ADAMTS19: variants seen among roughly 807,000 people sequenced by gnomAD.
The protein encoded by ADAMTS19 is ADAM metallopeptidase with thrombospondin type 1 motif 19.
Under a neutral mutation model 153.3 loss-of-function variants are expected in ADAMTS19, and 93 were observed. The observed-to-expected ratio is 0.61, with a 90% CI of 0.51 to 0.72. The LOEUF (loss-of-function observed/expected upper bound fraction) is 0.72, where lower values mean the gene tolerates loss of function less well. Among genes scored for constraint, ADAMTS19 ranks in the 30% least tolerant of loss-of-function variants. The pLI is 0.00. For synonymous variants in ADAMTS19, 600 were observed against 556.6 expected (o/e 1.08, Z -1.10); for missense variants, 1,482 against 1,552.1 (o/e 0.95, Z 0.76).
intron 19 of ADAMTS19, among the ~76,000 whole-genome samples, chr5:129,695,765 T>C (rs1053630278): frequency 2.0e-5 from 3 of 152,150 alleles, no homozygotes; most frequent in African/African-American, 7.2e-5. Context: ...GGGACAGGAA[T>C]ATTTACTTTG....
intron 3 of ADAMTS19, among the ~76,000 whole-genome samples, chr5:129,523,098 T>C (rs1009153210): frequency 6.6e-6 from 1 of 150,482 alleles, no homozygotes; most frequent in Non-Finnish European, 1.5e-5. Context: ...ATTAATTCTG[T>C]AAAAATGAAA....
At chr5:129,647,662 C>G in intron 11 of ADAMTS19, 103 bp from the exon 12 acceptor site, 1 of 1,391,640 alleles carries the variant, frequency 7.2e-7, no homozygotes. Flanking sequence ...GTTTGTGGCT[C>G]TAGTAGACCT....
rs58819534 is a variant in ADAMTS19, at chr5:129,511,121, C to G, written c.913+1879C>G. 3.8e-4 allele frequency among the ~76,000 whole-genome samples: 57 copies of G among 151,878 alleles called. 1 individual carries two copies. The East Asian group carries it at 0.011, about 29-fold the overall frequency. On this transcript the variant is annotated intron_variant, in intron 3 of 22. Transcript: ENST00000274487. ...TTCTTACTTCAGGCTGTTACAGTAA[C>G]AAATTAATAACATGGTCCAAATTTT...
rs1750654052 is a variant in ADAMTS19, at chr5:129,488,035, G to A, written c.748-21042G>A. On this transcript the variant is annotated intron_variant, in intron 2 of 22. Coordinates refer to ENST00000274487, the MANE Select transcript of ADAMTS19 (RefSeq NM_133638.6). ...CAAAAGAAAGTAACGTTGTAACTCT[G>A]TATTGTGTGTGTGGTACGATTTTAT... Among the ~76,000 whole-genome samples the A allele has an allele frequency of 2.0e-5, 3 of 151,978 alleles. 1 individual carries two copies. In the South Asian group the frequency reaches 6.2e-4, roughly 31 times the overall value.
intron 7 of ADAMTS19, among the ~76,000 whole-genome samples, chr5:129,567,445 T>C (rs1198599855): frequency 6.6e-6 from 1 of 152,118 alleles, no homozygotes; most frequent in Non-Finnish European, 1.5e-5. Context: ...AAAGATGATC[T>C]AACAAGTAAG....
chr5:129,722,872 G>C (rs185088522), intron 21 of ADAMTS19, among the ~76,000 whole-genome samples: 156 of 152,256 alleles, frequency 1.0e-3, no homozygotes, highest in South Asian at 3.3e-3. Context: ...TTCACACCTT[G>C]TTTTGTCCAG....
chr5:129,531,916 C>T (rs1445231729), intron 6 of ADAMTS19, among the ~76,000 whole-genome samples: 1 of 152,040 alleles, frequency 6.6e-6, no homozygotes, highest in Non-Finnish European at 1.5e-5. Context: ...ATCTATTCAG[C>T]AGATGGTATT....
chr5:129,623,366 T>G (rs1751873483), intron 10 of ADAMTS19, among the ~76,000 whole-genome samples: 1 of 152,116 alleles, frequency 6.6e-6, no homozygotes, highest in African/African-American at 2.4e-5. Context: ...TCCTCTCGCC[T>G]CTTCCTAACA....
chr5:129,731,765 GAT>G (rs1757454035), intron 21 of ADAMTS19, among the ~76,000 whole-genome samples: 1 of 151,990 alleles, frequency 6.6e-6, no homozygotes, highest in African/African-American at 2.4e-5. Flanking sequence ...TATTACAAAT[GAT>G]ATGTCTGTAT....
chr5:129,537,946 CAAAAAAAG>C (rs1752512157), intron 6 of ADAMTS19, among the ~76,000 whole-genome samples: 1 of 149,996 alleles, frequency 6.7e-6, no homozygotes, highest in East Asian at 1.9e-4. Flanking sequence ...AATAAATACA[CAAAAAAAG>C]AAAAAAAAGA....
Position 129,461,645 on chromosome 5 carries a change from C to T in ADAMTS19, c.635C>T (p.Ala212Val). 6.3e-7 allele frequency: 1 copy of T among 1,591,946 alleles called. No individual in the cohort carries two copies. Among genetic ancestry groups the T allele is most frequent in the Non-Finnish European group, 8.5e-7 (1 of 1,175,142 alleles). ...RPNPGPGPTGAASAPQPPAPP... is the reference protein window; with the variant it reads ...RPNPGPGPTGVASAPQPPAPP... ...AATCCCGGCCCCGGCCCCACGGGGG[C>T]AGCATCCGCCCCGCAACCTCCCGCG... Residue 212 changes from alanine to valine, a missense_variant, in exon 2 of 23, where the codon GCA (alanine) becomes GTA (valine). Ala to Val is a moderately conservative substitution (Grantham distance 64, BLOSUM62 0). Around this residue, in one of 2 missense-constraint regions of ADAMTS19, gnomAD observed 866 missense variants for 827.7 expected, o/e 1.05. Coordinates refer to ENST00000274487, the MANE Select transcript of ADAMTS19 (RefSeq NM_133638.6). The surrounding 1 kb of genome is among the most constrained non-coding windows in gnomAD (Gnocchi z 4.6).
chr5:129,629,757 A>C (rs747611977), intron 10 of ADAMTS19, among the ~76,000 whole-genome samples: 4 of 152,060 alleles, frequency 2.6e-5, no homozygotes, highest in Non-Finnish European at 5.9e-5. Context: ...GTCCTAAGCA[A>C]TTGGTGCTGG....
chr5:129,521,724 TA>T (rs1200521080), intron 3 of ADAMTS19, among the ~76,000 whole-genome samples: 1 of 152,140 alleles, frequency 6.6e-6, no homozygotes, highest in Non-Finnish European at 1.5e-5. Flanking sequence ...AAGTTTTACA[TA>T]CTAGTTCTGT....
At chr5:129,542,111 A>G (rs981016165) in intron 6 of ADAMTS19, among the ~76,000 whole-genome samples, 9 of 152,272 alleles carry the variant, frequency 5.9e-5, no homozygotes, top group African/African-American at 2.2e-4. Context: ...AACAGAAGAA[A>G]TAGTTGGCTT....
At chr5:129,622,618 T>C (rs1581156986) in intron 10 of ADAMTS19, among the ~76,000 whole-genome samples, 1 of 152,212 alleles carries the variant, frequency 6.6e-6, no homozygotes, top group African/African-American at 2.4e-5. Flanking sequence ...TTTTATTACG[T>C]CAGTTCAATG....
chr5:129,535,917 T>C (rs1208946813), intron 6 of ADAMTS19, among the ~76,000 whole-genome samples: 1 of 152,070 alleles, frequency 6.6e-6, no homozygotes. Flanking sequence ...TAATTCAAGA[T>C]GGATTAAAGA....
At chr5:129,559,478 A>T (rs1240876272) in intron 7 of ADAMTS19, among the ~76,000 whole-genome samples, 1 of 152,104 alleles carries the variant, frequency 6.6e-6, no homozygotes, top group Non-Finnish European at 1.5e-5. Context: ...TACCAGTGGG[A>T]TTGATGAAAT....
chr5:129,462,364 A>T (rs1749704015), intron 2 of ADAMTS19, among the ~76,000 whole-genome samples: 2 of 152,192 alleles, frequency 1.3e-5, no homozygotes, highest in Admixed American at 6.5e-5. Context: ...AACGGGTGAC[A>T]TTAGAATCCG....
intron 11 of ADAMTS19, among the ~76,000 whole-genome samples, chr5:129,643,361 C>T (rs1327402326): frequency 5.7e-5 from 1 of 17,626 alleles, no homozygotes; most frequent in Non-Finnish European, 9.7e-5. Flanking sequence ...GACCTTGTTT[C>T]AAAGACAAAA....
Sources: allele counts gnomAD v4.1 joint callset (sites outside exome capture counted in the v4.1 genomes callset), GRCh38; gene constraint gnomAD v4.1.1; regional missense constraint gnomAD v4.1.1; non-coding constraint Gnocchi (gnomAD v3.1); transcripts MANE v1.5; gene names NCBI Gene and HGNC (gene_info 2026-07-23, HGNC 2026-07-21).